The following PBX1 variants were observed in gnomAD, a reference collection of about 807,000 sequenced individuals.
The protein encoded by PBX1 is PBX homeobox 1, also known as pre-B-cell leukemia transcription factor 1.
A neutral mutation model predicts 53.4 loss-of-function variants in PBX1; 6 were observed. The observed-to-expected ratio is 0.11, with a 90% CI of 0.06 to 0.22. The LOEUF (loss-of-function observed/expected upper bound fraction) is 0.22, where lower values mean the gene tolerates loss of function less well. Ranked by LOEUF, PBX1 falls within the 10% of genes least tolerant of loss-of-function variation. PBX1 has a pLI of 1.00. For missense variants in PBX1, 251 were observed against 551.4 expected (o/e 0.46, Z 5.46); for synonymous variants, 204 against 212.3 (o/e 0.96, Z 0.34).
intron 2 of PBX1, among the ~76,000 whole-genome samples, chr1:164,624,517 T>G (rs1006210199): frequency 1.3e-5 from 2 of 152,222 alleles, no homozygotes; most frequent in African/African-American, 4.8e-5. Context: ...ATTCTCAATT[T>G]GTGGGCCACG....
intron 2 of PBX1, 57 bp downstream of exon 2, chr1:164,563,368 C>A: frequency 9.3e-7 from 1 of 1,078,872 alleles, no homozygotes; most frequent in Non-Finnish European, 1.4e-6. Flanking sequence ...ATCACTTAAC[C>A]AGCAGTCACA....
intron 2 of PBX1, among the ~76,000 whole-genome samples, chr1:164,672,272 T>C (rs1438917968): frequency 6.6e-6 from 1 of 152,128 alleles, no homozygotes; most frequent in Non-Finnish European, 1.5e-5. Context: ...TGGGCACTGC[T>C]CAGGGGACTT....
intron 2 of PBX1, among the ~76,000 whole-genome samples, chr1:164,786,396 C>T (rs1478349757): frequency 2.6e-5 from 4 of 152,020 alleles, no homozygotes; most frequent in African/African-American, 9.7e-5. Flanking sequence ...AGATCATTTT[C>T]GGCTCTTCTC....
intron 2 of PBX1, among the ~76,000 whole-genome samples, chr1:164,737,106 C>T (rs895190523): frequency 6.6e-6 from 1 of 152,198 alleles, no homozygotes; most frequent in Non-Finnish European, 1.5e-5. Flanking sequence ...CTTGCCTTGA[C>T]TTTTAGCAGT....
intron 1 of PBX1, chr1:164,562,865 A>ATGGATTTTACAAAACTGTTAACCT (rs1653162827): frequency 6.5e-6 from 1 of 154,772 alleles, no homozygotes; most frequent in Non-Finnish European, 1.4e-5. Context: ...TGGTCGTTGC[A>ATGGATTTTACAAAACTGTTAACCT]TGGATTTTAC....
At chr1:164,562,510 T>C (rs1346428625) in intron 1 of PBX1, among the ~76,000 whole-genome samples, 1 of 145,436 alleles carries the variant, frequency 6.9e-6, no homozygotes, top group African/African-American at 2.5e-5. Context: ...AAATCACTAA[T>C]CTAAAAGACA....
chr1:164,868,441 C>T (rs1217462553), intron 2 of PBX1, among the ~76,000 whole-genome samples: 1 of 152,172 alleles, frequency 6.6e-6, no homozygotes, highest in African/African-American at 2.4e-5. Context: ...ATGGTTACTT[C>T]ATCTACAGGG....
intron 2 of PBX1, among the ~76,000 whole-genome samples, chr1:164,587,104 T>C (rs1655001984): frequency 6.6e-6 from 1 of 152,222 alleles, no homozygotes; most frequent in African/African-American, 2.4e-5. Flanking sequence ...TGTGTCCCTG[T>C]TTCTCATTCC....
intron 2 of PBX1, among the ~76,000 whole-genome samples, chr1:164,693,473 T>C (rs768518402): frequency 6.6e-6 from 1 of 152,312 alleles, no homozygotes; most frequent in East Asian, 1.9e-4. Flanking sequence ...TGGCATGCTT[T>C]AGGTAGGGTC....
chr1:164,876,695 G>A (rs1571553190), intron 2 of PBX1, among the ~76,000 whole-genome samples: 1 of 152,126 alleles, frequency 6.6e-6, no homozygotes, highest in Non-Finnish European at 1.5e-5. Context: ...ACTAATTTCT[G>A]TGGAAAAGCA....
intron 2 of PBX1, among the ~76,000 whole-genome samples, chr1:164,705,139 G>A (rs1483973301): frequency 1.3e-5 from 2 of 152,050 alleles, no homozygotes; most frequent in African/African-American, 4.8e-5. Context: ...TGCATTCCTG[G>A]CTTCCACCCA....
chr1:164,676,721 C>G (rs1661453701), intron 2 of PBX1, among the ~76,000 whole-genome samples: 1 of 152,178 alleles, frequency 6.6e-6, no homozygotes, highest in Non-Finnish European at 1.5e-5. Flanking sequence ...AACTGTCCTG[C>G]TTCATACGCA....
At chr1:164,588,219 C>T (rs989668993) in intron 2 of PBX1, among the ~76,000 whole-genome samples, 5 of 152,122 alleles carry the variant, frequency 3.3e-5, no homozygotes, top group Admixed American at 6.5e-5. Context: ...GAGATACACC[C>T]GCCTGTAGAG....
chr1:164,855,421 A>T (rs1275794388), downstream of PBX1, among the ~76,000 whole-genome samples: 1 of 152,190 alleles, frequency 6.6e-6, no homozygotes, highest in African/African-American at 2.4e-5. Flanking sequence ...GAGGAAAATC[A>T]TTCTGCCCCC....
chr1:164,824,625 G>T (rs967406241), intron 8 of PBX1, among the ~76,000 whole-genome samples: 1 of 152,084 alleles, frequency 6.6e-6, no homozygotes, highest in Non-Finnish European at 1.5e-5. Flanking sequence ...ATGGAAAGGT[G>T]TGCTTTTGAG....
chr1:164,591,790 T>G (rs1184634739), intron 2 of PBX1, among the ~76,000 whole-genome samples: 2 of 152,224 alleles, frequency 1.3e-5, no homozygotes, highest in Non-Finnish European at 2.9e-5. Context: ...GAGAGATCCA[T>G]GCCCTACCCT....
intron 2 of PBX1, among the ~76,000 whole-genome samples, chr1:164,646,689 G>GT (rs893533627): frequency 2.0e-5 from 3 of 152,196 alleles, no homozygotes; most frequent in Non-Finnish European, 2.9e-5. Context: ...AGAGGAGAGA[G>GT]TTTTTTTGAT....
At chr1:164,696,146 A>G (rs917021471) in intron 2 of PBX1, among the ~76,000 whole-genome samples, 2 of 152,160 alleles carry the variant, frequency 1.3e-5, no homozygotes, top group African/African-American at 4.8e-5. Context: ...ATCTGGTAAA[A>G]ATGTGCCGGA....
intron 2 of PBX1, among the ~76,000 whole-genome samples, chr1:164,675,862 T>A (rs1661404845): frequency 6.6e-6 from 1 of 152,186 alleles, no homozygotes; most frequent in South Asian, 2.1e-4. Context: ...GGTTTTAGAC[T>A]TTTTGTGCAT....
Sources: gnomAD v4.1 joint callset for allele counts (sites outside exome capture counted in the v4.1 genomes callset) on GRCh38, gnomAD v4.1.1 for gene constraint, MANE v1.5 for transcripts, NCBI Gene and HGNC (gene_info 2026-07-23, HGNC 2026-07-21) for gene names.